The following TCF7L1 variants were observed in gnomAD, a reference collection of about 807,000 sequenced individuals.
The protein encoded by TCF7L1 is transcription factor 7-like 1.
Under a neutral mutation model 63.7 loss-of-function variants are expected in TCF7L1, and 18 were observed. That is an observed-to-expected ratio of 0.28 (90% CI 0.20 to 0.42). TCF7L1 has a LOEUF of 0.42. TCF7L1 is among the 10% of genes least tolerant of loss of function. TCF7L1 has a pLI of 1.00. For missense variants in TCF7L1, 654 were observed against 779.3 expected (o/e 0.84, Z 1.91); for synonymous variants, 355 against 340.9 (o/e 1.04, Z -0.46).
intron 3 of TCF7L1, among the ~76,000 whole-genome samples, chr2:85,276,501 C>T (rs999042361): frequency 1.1e-4 from 17 of 152,232 alleles, no homozygotes; most frequent in Non-Finnish European, 2.1e-4. Flanking sequence ...ATACTATAAC[C>T]GTATTATAAA....
intron 3 of TCF7L1, among the ~76,000 whole-genome samples, chr2:85,262,987 AGT>A (rs1386356632): frequency 6.6e-6 from 1 of 152,112 alleles, no homozygotes; most frequent in East Asian, 1.9e-4. Context: ...AGAAGGAGAG[AGT>A]GTCATCTACA....
intron 3 of TCF7L1, among the ~76,000 whole-genome samples, chr2:85,218,994 T>G (rs1185241942): frequency 6.6e-6 from 1 of 151,938 alleles, no homozygotes; most frequent in Non-Finnish European, 1.5e-5. Flanking sequence ...CCAGACCCTG[T>G]CTCTACAAAA....
Position 85,309,657 on chromosome 2 carries a change from A to G in TCF7L1, c.*195A>G. On this transcript the variant is annotated 3_prime_UTR_variant, in exon 12 of 12. Transcript: ENST00000282111. ...TTAAGGCTTTTTTAAAAAACAAAACAAAACAACAAAAAAAAATCTTTATAA... is the reference window on the plus strand; with the variant it reads ...TTAAGGCTTTTTTAAAAAACAAAACGAAACAACAAAAAAAAATCTTTATAA... The G allele has an allele frequency of 2.0e-6, 1 of 492,880 alleles. No homozygotes were observed. The highest frequency in any genetic ancestry group is 3.4e-6 in the Non-Finnish European group (1 of 295,060). 30.5% of individuals were successfully genotyped at this position (492,880 alleles called of 1,614,324 possible). A position where few individuals can be genotyped will look rare whatever the true frequency, so the allele number is the denominator to read the frequency against.
chr2:85,241,179 A>G (rs537142437), intron 3 of TCF7L1, among the ~76,000 whole-genome samples: 11 of 152,304 alleles, frequency 7.2e-5, no homozygotes, highest in Admixed American at 3.3e-4. Context: ...TTCCTTTTCA[A>G]CATTTTTTAC....
chr2:85,142,497 T>TATAC (rs1447397349), intron 3 of TCF7L1, among the ~76,000 whole-genome samples: 4 of 147,700 alleles, frequency 2.7e-5, no homozygotes, highest in Non-Finnish European at 4.5e-5. Flanking sequence ...TATATATATA[T>TATAC]ACACACACAC....
chr2:85,166,006 A>T (rs1420140897), intron 3 of TCF7L1, among the ~76,000 whole-genome samples: 1 of 152,242 alleles, frequency 6.6e-6, no homozygotes, highest in African/African-American at 2.4e-5. Flanking sequence ...AACTAACACC[A>T]CAATCAGATA....
chr2:85,153,385 A>G (rs1312583183), intron 3 of TCF7L1, among the ~76,000 whole-genome samples: 1 of 114,250 alleles, frequency 8.8e-6, no homozygotes, highest in East Asian at 2.9e-4. Context: ...TCTGTCACCC[A>G]GGCTGGAGTA....
rs576247511 is a variant in TCF7L1, at chr2:85,176,585, C to G, written c.441+42135C>G. 2.0e-5 allele frequency among the ~76,000 whole-genome samples: 3 copies of G among 152,282 alleles called. No individual in the cohort carries two copies. In the South Asian group the frequency reaches 6.2e-4, roughly 32 times the overall value. On this transcript the variant is annotated intron_variant, in intron 3 of 11. Transcript: ENST00000282111. ...GTAGTTCTCACATGGGCTATGACCC[C>G]TCATCCTTCATTATCCTAGAAAAAT...
At chr2:85,140,967 G>T (rs62162828) in intron 3 of TCF7L1, among the ~76,000 whole-genome samples, 1 of 152,066 alleles carries the variant, frequency 6.6e-6, no homozygotes, top group Admixed American at 6.6e-5. Flanking sequence ...CAGAGAGAGA[G>T]GGGACAAGAA....
chr2:85,165,798 G>A (rs374375262), intron 3 of TCF7L1, among the ~76,000 whole-genome samples: 3 of 152,052 alleles, frequency 2.0e-5, no homozygotes, highest in African/African-American at 7.2e-5. Flanking sequence ...CATAAGATTC[G>A]GGAGAACTTC....
chr2:85,220,468 C>T (rs1014282682), intron 3 of TCF7L1, among the ~76,000 whole-genome samples: 1 of 152,040 alleles, frequency 6.6e-6, no homozygotes, highest in Admixed American at 6.5e-5. Flanking sequence ...CAGGTTGAAG[C>T]GATTCTCCTG....
intron 3 of TCF7L1, among the ~76,000 whole-genome samples, chr2:85,274,794 G>A (rs1681234330): frequency 6.6e-6 from 1 of 152,162 alleles, no homozygotes; most frequent in Non-Finnish European, 1.5e-5. Context: ...TGTCTCCCCA[G>A]GTAAAGCGCA....
chr2:85,288,089 A>T (rs943751436), intron 4 of TCF7L1, among the ~76,000 whole-genome samples: 2 of 152,198 alleles, frequency 1.3e-5, no homozygotes, highest in Non-Finnish European at 2.9e-5. Context: ...CACTACCGCT[A>T]CCTCTACTAT....
intron 3 of TCF7L1, among the ~76,000 whole-genome samples, chr2:85,241,855 C>T (rs1680341052): frequency 6.6e-6 from 1 of 152,272 alleles, no homozygotes; most frequent in Admixed American, 6.5e-5. Context: ...AATACAGCCA[C>T]TGTTTATTTT....
At position 85,283,562 on chromosome 2, in the gene TCF7L1, C is replaced by G. The variant is rs745507513; in HGVS notation, c.509C>G (p.Pro170Arg). Residue 170 changes from proline to arginine, a missense_variant, in exon 4 of 12, where the codon CCA becomes CGA. Transcript: ENST00000282111. ...SSATVKDTRS[P>R]SPAHLSNKVP... ...GCCACAGTCAAGGACACGAGGTCAC[C>G]ATCTCCAGCACACTTGGTAAGTCTG... 45 of 1,614,076 alleles carry G rather than the reference C, an allele frequency of 2.8e-5. No homozygotes were observed. Among genetic ancestry groups the G allele is most frequent in the Middle Eastern group, 3.3e-4 (2 of 6,084 alleles).
chr2:85,179,820 T>A (rs1443909118), intron 3 of TCF7L1, among the ~76,000 whole-genome samples: 2 of 152,202 alleles, frequency 1.3e-5, no homozygotes, highest in African/African-American at 4.8e-5. Flanking sequence ...TAAAAAAGAT[T>A]TCTTACCATT....
intron 3 of TCF7L1, among the ~76,000 whole-genome samples, chr2:85,184,422 C>T (rs1198284531): frequency 1.3e-5 from 2 of 152,016 alleles, no homozygotes; most frequent in East Asian, 3.9e-4. Context: ...GAAGGTAACC[C>T]GGAAGCAGTT....
At chr2:85,224,553 CAT>C (rs1482923028) in intron 3 of TCF7L1, among the ~76,000 whole-genome samples, 5 of 152,188 alleles carry the variant, frequency 3.3e-5, no homozygotes, top group Admixed American at 3.3e-4. Flanking sequence ...AGTATTTTTT[CAT>C]ATGTCTGTTG....
At chr2:85,197,799 G>A (rs1679191970) in intron 3 of TCF7L1, among the ~76,000 whole-genome samples, 1 of 152,218 alleles carries the variant, frequency 6.6e-6, no homozygotes, top group African/African-American at 2.4e-5. Flanking sequence ...GAGAGTTTGA[G>A]CAGCCTCCTG....
Sources: gnomAD v4.1 joint callset for allele counts (sites outside exome capture counted in the v4.1 genomes callset) on GRCh38, gnomAD v4.1.1 for gene constraint, MANE v1.5 for transcripts, NCBI Gene and HGNC (gene_info 2026-07-23, HGNC 2026-07-21) for gene names.